Variants in SHF observed in about 807,000 individuals in gnomAD.
SHF encodes Src homology 2 domain containing F, also known as SH2 domain-containing adapter protein F.
In SHF, 30 loss-of-function variants were observed where a neutral mutation model predicts 42.4. The observed-to-expected ratio is 0.71, with a 90% CI of 0.53 to 0.96. The LOEUF is 0.96. Among genes scored for constraint, SHF ranks in the 40% least tolerant of loss-of-function variants. The pLI, the probability that SHF is intolerant of heterozygous loss-of-function variation, is 0.00. For synonymous variants in SHF, 264 were observed against 269.9 expected (o/e 0.98, Z 0.21); for missense variants, 598 against 634.0 (o/e 0.94, Z 0.61).
intron 2 of SHF, among the ~76,000 whole-genome samples, chr15:45,194,851 A>T (rs1898818498): frequency 6.6e-6 from 1 of 152,090 alleles, no homozygotes. Context: ...TATTTTTGAG[A>T]CAGGCTATCA....
intron 2 of SHF, among the ~76,000 whole-genome samples, chr15:45,197,689 CT>C (rs1898909072): frequency 6.6e-6 from 1 of 152,138 alleles, no homozygotes; most frequent in Admixed American, 6.5e-5. Context: ...GAGTCAGGGC[CT>C]GGGTAAAAGA....
At chr15:45,199,158 C>T in intron 1 of SHF, 1 of 1,402,098 alleles carries the variant, frequency 7.1e-7, no homozygotes, top group Non-Finnish European at 9.4e-7. Flanking sequence ...ATTCAGCAAA[C>T]GCATCTCCCC....
upstream of SHF, among the ~76,000 whole-genome samples, chr15:45,191,354 T>C (rs1434052613): frequency 6.6e-6 from 1 of 152,202 alleles, no homozygotes; most frequent in East Asian, 1.9e-4. Context: ...GGCTAATTTA[T>C]TGTATTTTAT....
chr15:45,200,677 A>C, intron 1 of SHF: 1 of 455,016 alleles, frequency 2.2e-6, no homozygotes, highest in Non-Finnish European at 4.4e-6. Flanking sequence ...CGCACCAGAC[A>C]CGGTGGCCGA....
chr15:45,182,919 C>T (rs112009162), intron 1 of SHF, among the ~76,000 whole-genome samples: 13 of 152,194 alleles, frequency 8.5e-5, no homozygotes, highest in Non-Finnish European at 1.5e-4. Flanking sequence ...TTTCTAATTA[C>T]AAGAACAATG....
chr15:45,192,051 T>C (rs1040714314), upstream of SHF, among the ~76,000 whole-genome samples: 3 of 152,226 alleles, frequency 2.0e-5, no homozygotes, highest in African/African-American at 7.2e-5. Context: ...TTCTTAACCA[T>C]TTGGTACAAG....
At chr15:45,187,992 G>T (rs897263957), upstream of SHF, 3 of 838,904 alleles carry the variant, frequency 3.6e-6, no homozygotes, top group Middle Eastern at 9.1e-4. Context: ...AGCGGCGGGT[G>T]GGGGGCGGGG....
chr15:45,179,833 C>T (rs1051754008), intron 1 of SHF, among the ~76,000 whole-genome samples: 86 of 152,294 alleles, frequency 5.6e-4, no homozygotes, highest in African/African-American at 2.0e-3. Flanking sequence ...CTGTAGGAGC[C>T]AGCTGGGCTG....
At position 45,187,601 on chromosome 15, in the gene SHF, G is replaced by C; in HGVS notation, c.351C>G (p.Ala117=). ...CGGGGGCGACAGGGGTGGCGAGGGC[G>C]GCGGAGCCGGACGACCCCCCGGAGT... ...DPYSGGSSGS[A]ALATPVAPGP... Residue 117 remains alanine, a synonymous_variant, in exon 1 of 7, where the codon GCC becomes GCG. Transcript: ENST00000690270. The C allele has an allele frequency of 8.1e-7, 1 of 1,230,368 alleles. No individual in the cohort carries two copies. The highest frequency in any genetic ancestry group is 4.1e-5 in the South Asian group (1 of 24,294). The allele number at this position is 1,230,368 out of a possible 1,614,324, so 76.2% of individuals were successfully genotyped here.
chr15:45,193,312 A>G (rs1898762918), intron 2 of SHF, among the ~76,000 whole-genome samples: 1 of 152,200 alleles, frequency 6.6e-6, no homozygotes. Flanking sequence ...GTCACGGCCC[A>G]ATCAATATGT....
At chr15:45,184,582 A>G (rs774734208) in intron 1 of SHF, among the ~76,000 whole-genome samples, 4 of 152,232 alleles carry the variant, frequency 2.6e-5, no homozygotes, top group Non-Finnish European at 5.9e-5. Context: ...GTATCTTGGC[A>G]TGAGGGAGGC....
intron 3 of SHF, 109 bp from the exon 4 acceptor site, chr15:45,173,825 T>C: frequency 7.7e-7 from 1 of 1,290,376 alleles, no homozygotes; most frequent in Non-Finnish European, 1.1e-6. Context: ...AGCCTAGAAA[T>C]GAGGAGGGGC....
At chr15:45,182,764 T>C (rs1356237842) in intron 1 of SHF, among the ~76,000 whole-genome samples, 1 of 152,248 alleles carries the variant, frequency 6.6e-6, no homozygotes, top group African/African-American at 2.4e-5. Flanking sequence ...ACTGAAAACC[T>C]ATTAACCTGT....
At chr15:45,192,730 A>G (rs1403402159), upstream of SHF, among the ~76,000 whole-genome samples, 2 of 152,030 alleles carry the variant, frequency 1.3e-5, no homozygotes, top group South Asian at 4.1e-4. Flanking sequence ...CCTTTAGTCT[A>G]TTTTAATTTT....
intron 1 of SHF, among the ~76,000 whole-genome samples, chr15:45,186,788 G>A (rs1208776503): frequency 6.6e-6 from 1 of 152,266 alleles, no homozygotes; most frequent in South Asian, 2.1e-4. Context: ...AGGGAAGGAG[G>A]GAGGAGTGGG....
rs1309717855 is a variant in SHF, at chr15:45,175,398, G to A, written c.668C>T (p.Thr223Ile). Residue 223 changes from threonine (T) to isoleucine (I), a missense_variant, in exon 3 of 7, where the codon ACT (threonine) becomes ATT (isoleucine). Around this residue, in one of 2 missense-constraint regions of SHF, gnomAD observed 439 missense variants for 524.6 expected, o/e 0.84. Coordinates refer to ENST00000690270, the MANE Select transcript of SHF (RefSeq NM_001394037.1). ...AEIRGSKETA[T>I]QPLPLYDTPY... Reference sequence around the variant, plus strand: ...TGTGTCATACAGAGGCAAGGGCTGAGTTGCTGTCTCCTTGGAGCCCCGGAT... The same window carrying A: ...TGTGTCATACAGAGGCAAGGGCTGAATTGCTGTCTCCTTGGAGCCCCGGAT... The A allele has an allele frequency of 6.3e-7, 1 of 1,591,668 alleles. No homozygotes were observed. The highest frequency in any genetic ancestry group is 1.1e-5 in the South Asian group (1 of 87,442).
chr15:45,170,531 C>T (rs990600783), intron 6 of SHF: 7 of 990,060 alleles, frequency 7.1e-6, no homozygotes, highest in East Asian at 6.1e-5. Flanking sequence ...AGGTAGAAAC[C>T]GAGGCTCGGA....
At chr15:45,199,355 A>G (rs1055079934) in intron 1 of SHF, among the ~76,000 whole-genome samples, 2 of 152,230 alleles carry the variant, frequency 1.3e-5, no homozygotes, top group African/African-American at 2.4e-5. Flanking sequence ...CACGGCGCCT[A>G]GAACCGGGCC....
At chr15:45,176,607 T>C (rs534991385) in intron 2 of SHF, among the ~76,000 whole-genome samples, 1 of 152,268 alleles carries the variant, frequency 6.6e-6, no homozygotes, top group East Asian at 1.9e-4. Context: ...TGGCACTTGC[T>C]GCATCTGTAT....
Sources: allele counts gnomAD v4.1 joint callset (sites outside exome capture counted in the v4.1 genomes callset), GRCh38; gene constraint gnomAD v4.1.1; regional missense constraint gnomAD v4.1.1; transcripts MANE v1.5; gene names NCBI Gene and HGNC (gene_info 2026-07-23, HGNC 2026-07-21).